The following KIAA1217 variants were observed in gnomAD, a reference collection of about 807,000 sequenced individuals.
The protein encoded by KIAA1217 is sickle tail protein homolog.
In KIAA1217, 88 loss-of-function variants were observed where a neutral mutation model predicts 163.9. That is an observed-to-expected ratio of 0.54 (90% CI 0.45 to 0.64). The LOEUF (loss-of-function observed/expected upper bound fraction) is 0.64, where lower values mean the gene tolerates loss of function less well. Ranked by LOEUF, KIAA1217 falls within the 30% of genes least tolerant of loss-of-function variation. The probability of loss-of-function intolerance (pLI) is 0.00; values close to 1 mark genes in which losing one functional copy is unlikely to be tolerated. For synonymous variants in KIAA1217, 903 were observed against 923.1 expected (o/e 0.98, Z 0.39); for missense variants, 2,372 against 2,475.0 (o/e 0.96, Z 0.88).
At chr10:23,940,744 T>G (rs2131334478) in intron 1 of KIAA1217, among the ~76,000 whole-genome samples, 1 of 152,322 alleles carries the variant, frequency 6.6e-6, no homozygotes, top group South Asian at 2.1e-4. Flanking sequence ...CAATGTATAT[T>G]CTGTGACAAG....
chr10:24,254,628 A>G (rs2074943261), intron 2 of KIAA1217, among the ~76,000 whole-genome samples: 1 of 152,214 alleles, frequency 6.6e-6, no homozygotes, highest in South Asian at 2.1e-4. Flanking sequence ...CAAATGAAGC[A>G]CATTCACATG....
intron 2 of KIAA1217, among the ~76,000 whole-genome samples, chr10:24,134,024 TATG>T (rs757685616): frequency 6.6e-6 from 1 of 152,176 alleles, no homozygotes; most frequent in Non-Finnish European, 1.5e-5. Context: ...ATTTGTACAA[TATG>T]ATGTTTGCCT....
intron 2 of KIAA1217, among the ~76,000 whole-genome samples, chr10:24,300,224 A>C (rs957696099): frequency 8.5e-5 from 13 of 152,238 alleles, no homozygotes; most frequent in African/African-American, 2.9e-4. Context: ...TAACAAAATG[A>C]ATCCCTGTCC....
chr10:23,803,715 C>T (rs1836592370), intron 1 of KIAA1217, among the ~76,000 whole-genome samples: 1 of 152,200 alleles, frequency 6.6e-6, no homozygotes. Context: ...TGAAAGATTA[C>T]TTTCTCATTG....
At position 24,434,140 on chromosome 10, in the gene KIAA1217, G is replaced by A. The variant is rs1035098745; in HGVS notation, c.752+947G>A. ...TAACCTCCGCCTCCTGGGTTCAAGCGATTCTCCTGCCTCAGCCTCCCAAGT... is the reference window on the plus strand; with the variant it reads ...TAACCTCCGCCTCCTGGGTTCAAGCAATTCTCCTGCCTCAGCCTCCCAAGT... On this transcript the variant is annotated intron_variant, in intron 4 of 20. Transcript: ENST00000376454. Among the ~76,000 whole-genome samples the A allele has an allele frequency of 7.5e-5, 11 of 145,764 alleles. No homozygotes were observed. The East Asian group carries it at 1.1e-3, about 14-fold the overall frequency.
At chr10:24,378,103 C>G (rs573690657) in intron 2 of KIAA1217, among the ~76,000 whole-genome samples, 25 of 152,212 alleles carry the variant, frequency 1.6e-4, no homozygotes, top group African/African-American at 5.5e-4. Flanking sequence ...TTCTGTTTCA[C>G]TTTTCCTGCC....
intron 3 of KIAA1217, among the ~76,000 whole-genome samples, chr10:24,420,867 G>A (rs550277892): frequency 2.0e-5 from 3 of 152,228 alleles, no homozygotes; most frequent in African/African-American, 4.8e-5. Context: ...GTTTCATTGC[G>A]TAGTCTTGTT....
At position 24,495,147 on chromosome 10, in the gene KIAA1217, C is replaced by G. The variant is rs561190869; in HGVS notation, c.1785C>G (p.Ser595Arg). The G allele has an allele frequency of 1.2e-6, 2 of 1,609,830 alleles. No homozygotes were observed. Among genetic ancestry groups the G allele is most frequent in the Admixed American group, 3.4e-5 (2 of 59,516 alleles). ...PITSYSKDASSEKMMKTTANR... is the reference protein window; with the variant it reads ...PITSYSKDASREKMMKTTANR... ...CTGACTCTCTTTTTCTTTTATTCAG[C>G]GAGAAAATGATGAAAACCACAGCCA... Residue 595 changes from serine to arginine, a missense_variant and splice_region_variant, in exon 8 of 21, where the codon AGC becomes AGG. Coordinates refer to ENST00000376454, the MANE Select transcript of KIAA1217 (RefSeq NM_019590.5).
chr10:24,459,570 C>G (rs144103773), intron 5 of KIAA1217, among the ~76,000 whole-genome samples: 1 of 152,204 alleles, frequency 6.6e-6, no homozygotes, highest in African/African-American at 2.4e-5. Context: ...CCCACAGAAT[C>G]TCATCATTGG....
Position 24,544,450 on chromosome 10 carries a change from C to A in KIAA1217, c.5180C>A (p.Pro1727His), listed in dbSNP as rs1270811788. The change falls in exon 19 of 21, where the codon CCC becomes CAC. Residue 1727 changes from proline to histidine, a missense_variant. Around this residue, in one of 3 missense-constraint regions of KIAA1217, gnomAD observed 690 missense variants for 677.5 expected, o/e 1.02. Coordinates refer to ENST00000376454, the MANE Select transcript of KIAA1217 (RefSeq NM_019590.5). ...GATGAAGGTCCCACTGCCCTAGAGCCCCCTACGTCGATACCTTCAGCTTCA... is the reference window on the plus strand; with the variant it reads ...GATGAAGGTCCCACTGCCCTAGAGCACCCTACGTCGATACCTTCAGCTTCA... ...VPDEGPTALE[P>H]PTSIPSASRK... The A allele has an allele frequency of 3.7e-6, 6 of 1,613,672 alleles. No homozygotes were observed. Among genetic ancestry groups the A allele is most frequent in the Non-Finnish European group, 5.1e-6 (6 of 1,179,716 alleles).
At chr10:23,851,263 G>A (rs1246051874) in intron 1 of KIAA1217, among the ~76,000 whole-genome samples, 2 of 152,006 alleles carry the variant, frequency 1.3e-5, no homozygotes, top group African/African-American at 2.4e-5. Flanking sequence ...AACATGCAGT[G>A]TTTGGTTTTT....
chr10:24,171,352 C>T (rs1471503200), intron 2 of KIAA1217, among the ~76,000 whole-genome samples: 1 of 151,976 alleles, frequency 6.6e-6, no homozygotes, highest in African/African-American at 2.4e-5. Context: ...AGAAGGGACT[C>T]CATTAGTCTA....
chr10:24,070,598 T>C (rs2061149497), intron 2 of KIAA1217, among the ~76,000 whole-genome samples: 1 of 152,230 alleles, frequency 6.6e-6, no homozygotes, highest in African/African-American at 2.4e-5. Flanking sequence ...AAGTGTGTTT[T>C]ATAACCATAT....
chr10:24,048,451 T>A (rs1297520283), intron 2 of KIAA1217, among the ~76,000 whole-genome samples: 1 of 152,206 alleles, frequency 6.6e-6, no homozygotes, highest in Non-Finnish European at 1.5e-5. Context: ...TTCGCCCAGG[T>A]TGGGCACGGT....
At chr10:23,697,328 T>C (rs746106108) in intron 1 of KIAA1217, among the ~76,000 whole-genome samples, 3 of 152,240 alleles carry the variant, frequency 2.0e-5, no homozygotes, top group Non-Finnish European at 4.4e-5. Context: ...TTTATACCCT[T>C]GTGCTTTAAA....
chr10:23,819,219 A>C (rs1837504211), intron 1 of KIAA1217, among the ~76,000 whole-genome samples: 1 of 152,200 alleles, frequency 6.6e-6, no homozygotes, highest in Admixed American at 6.5e-5. Context: ...ATGATAAAAG[A>C]CTGCATTGTC....
At chr10:24,523,703 C>G (rs2071651518) in intron 12 of KIAA1217, among the ~76,000 whole-genome samples, 1 of 152,150 alleles carries the variant, frequency 6.6e-6, no homozygotes. Context: ...AGGCGAAGTT[C>G]TCAACGTTAT....
chr10:24,083,416 C>G (rs1432531945), intron 2 of KIAA1217, among the ~76,000 whole-genome samples: 2 of 152,148 alleles, frequency 1.3e-5, no homozygotes, highest in African/African-American at 4.8e-5. Flanking sequence ...TATTTCATCT[C>G]TTGGTGAAGG....
intron 2 of KIAA1217, among the ~76,000 whole-genome samples, chr10:24,062,452 T>C (rs1334784284): frequency 6.6e-6 from 1 of 151,762 alleles, no homozygotes; most frequent in South Asian, 2.1e-4. Context: ...TCCATGTCCC[T>C]ACAAAGGACA....
Sources: gnomAD v4.1 joint callset for allele counts (sites outside exome capture counted in the v4.1 genomes callset) on GRCh38, gnomAD v4.1.1 for gene constraint, gnomAD v4.1.1 regional missense constraint, MANE v1.5 for transcripts, NCBI Gene and HGNC (gene_info 2026-07-23, HGNC 2026-07-21) for gene names.